Variants in SPPL3 observed in about 807,000 individuals in gnomAD.
The protein encoded by SPPL3 is signal peptide peptidase like 3.
A neutral mutation model predicts 42.4 loss-of-function variants in SPPL3; 5 were observed. The observed-to-expected ratio is 0.12, with a 90% CI of 0.06 to 0.25. The LOEUF (loss-of-function observed/expected upper bound fraction) is 0.25. Among genes scored for constraint, SPPL3 ranks in the 10% least tolerant of loss-of-function variants. SPPL3 has a pLI of 1.00. For missense variants in SPPL3, 235 were observed against 489.0 expected (o/e 0.48, Z 4.90); for synonymous variants, 195 against 181.8 (o/e 1.07, Z -0.58).
chr12:120,825,622 G>C (rs1293048627), intron 1 of SPPL3, among the ~76,000 whole-genome samples: 1 of 152,210 alleles, frequency 6.6e-6, no homozygotes, highest in African/African-American at 2.4e-5. Context: ...TGTTTACAGA[G>C]GGGTTAAATT....
chr12:120,866,630 A>G (rs2137046354), intron 1 of SPPL3, among the ~76,000 whole-genome samples: 1 of 152,326 alleles, frequency 6.6e-6, no homozygotes, highest in Admixed American at 6.5e-5. Flanking sequence ...CTAAGACACA[A>G]TGGATTGTAA....
chr12:120,775,857 CTAAAT>C (rs1566038473), intron 6 of SPPL3, among the ~76,000 whole-genome samples: 1 of 151,988 alleles, frequency 6.6e-6, no homozygotes, highest in Non-Finnish European at 1.5e-5. Context: ...TGTTTTCACT[CTAAAT>C]TAACTTCAAA....
chr12:120,876,842 C>A (rs1593007362), intron 1 of SPPL3, among the ~76,000 whole-genome samples: 1 of 132,478 alleles, frequency 7.5e-6, no homozygotes, highest in African/African-American at 2.8e-5. Context: ...CACACACACA[C>A]AAATTAAATG....
chr12:120,885,986 C>T (rs1873445791), intron 1 of SPPL3, among the ~76,000 whole-genome samples: 2 of 151,258 alleles, frequency 1.3e-5, no homozygotes, highest in East Asian at 3.9e-4. Flanking sequence ...TCCTGAGTAG[C>T]TGGGATTACA....
At chr12:120,842,284 G>A (rs531554282) in intron 1 of SPPL3, among the ~76,000 whole-genome samples, 2 of 152,150 alleles carry the variant, frequency 1.3e-5, no homozygotes, top group South Asian at 2.1e-4. Flanking sequence ...TAATGGCAAC[G>A]AGCACCACAA....
rs200219170 is a variant in SPPL3, at chr12:120,821,196, C to CG, written c.24-10311dup. Among the ~76,000 whole-genome samples the CG allele has an allele frequency of 2.8e-3, 421 of 152,200 alleles. 8 individuals carry two copies. The highest frequency in any genetic ancestry group is 0.023 in the Admixed American group (354 of 15,292). On this transcript the variant is annotated intron_variant, in intron 1 of 10. Transcript: ENST00000353487. ...GGATAGATAAGAAAGGATTTATTGC[C>CG]GGGGGCGGGGAGAGGGATTGAAACA...
chr12:120,822,267 T>C lies in SPPL3; in HGVS notation c.24-11381A>G, dbSNP rs185022815. Among the ~76,000 whole-genome samples the C allele has an allele frequency of 1.7e-3, 256 of 152,364 alleles. 3 individuals carry two copies. In the Middle Eastern group the frequency reaches 0.017, roughly 10 times the overall value. Reference sequence around the variant, plus strand: ...ATGGTAAATTTCAAATTGTATGTTATGTATATTTTACAATAACAACTTTTA... The same window carrying C: ...ATGGTAAATTTCAAATTGTATGTTACGTATATTTTACAATAACAACTTTTA... On this transcript the variant is annotated intron_variant, in intron 1 of 10. Coordinates refer to ENST00000353487, the MANE Select transcript of SPPL3 (RefSeq NM_139015.5).
intron 6 of SPPL3, among the ~76,000 whole-genome samples, chr12:120,780,525 G>T (rs139300084): frequency 1.3e-5 from 2 of 150,910 alleles, no homozygotes; most frequent in African/African-American, 4.9e-5. Flanking sequence ...GAGGCGGGAG[G>T]ATCGCCTGGG....
rs1329323448 is a variant in SPPL3, at chr12:120,765,031, T to TG, written c.1122dup (p.Lys375GlnfsTer58). The TG allele has an allele frequency of 6.2e-7, 1 of 1,613,940 alleles. No individual in the cohort carries two copies. Among genetic ancestry groups the TG allele is most frequent in the South Asian group, 1.1e-5 (1 of 91,034 alleles). On this transcript the variant is annotated frameshift_variant, in exon 11 of 11. Coordinates refer to ENST00000353487, the MANE Select transcript of SPPL3 (RefSeq NM_139015.5). LOFTEE classifies it high-confidence loss of function. ...TCCAGGAATCGGGAGCTGCTGGACT[T>TG]GGAGTGGAAAGGCTCAGACCACATC...
intron 2 of SPPL3, 96 bp downstream of exon 2, chr12:120,810,713 T>C: frequency 6.5e-6 from 6 of 929,652 alleles, no homozygotes; most frequent in Non-Finnish European, 1.0e-5. Context: ...AAGTCCTGTT[T>C]TTCTTCACAG....
chr12:120,833,080 G>A (rs772706057), intron 1 of SPPL3, among the ~76,000 whole-genome samples: 1 of 152,200 alleles, frequency 6.6e-6, no homozygotes, highest in Non-Finnish European at 1.5e-5. Context: ...AGAGGAAGAA[G>A]AGATTGCTTC....
chr12:120,779,701 C>T lies in SPPL3; in HGVS notation c.502+2954G>A, dbSNP rs189804487. On this transcript the variant is annotated intron_variant, in intron 6 of 10. Transcript: ENST00000353487. The stretch of plus-strand genomic sequence containing the variant: ...ATATAAAGGAAGTGAAGGCCAGCTG[C>T]GGTGGGCTCACGCCTGTAATCCCAG... Among the ~76,000 whole-genome samples, 151 of 151,734 alleles carry T rather than the reference C, an allele frequency of 1.0e-3. 1 individual carries two copies. In the Middle Eastern group the frequency reaches 0.01, roughly 10 times the overall value.
intron 3 of SPPL3, among the ~76,000 whole-genome samples, chr12:120,787,271 C>T (rs1177532576): frequency 1.3e-5 from 2 of 152,168 alleles, no homozygotes; most frequent in East Asian, 1.9e-4. Flanking sequence ...AACTATACAT[C>T]TCCATCAATC....
At chr12:120,862,309 T>A (rs1337664372) in intron 1 of SPPL3, among the ~76,000 whole-genome samples, 1 of 152,224 alleles carries the variant, frequency 6.6e-6, no homozygotes, top group East Asian at 1.9e-4. Context: ...AATTTTCCAA[T>A]AATAATTAGA....
chr12:120,769,948 TG>T (rs1185637080), intron 6 of SPPL3: 1 of 149,286 alleles, frequency 6.7e-6, no homozygotes, highest in Non-Finnish European at 1.5e-5. Context: ...TCCATTTGGG[TG>T]AATTTTCACC....
intron 1 of SPPL3, among the ~76,000 whole-genome samples, chr12:120,830,010 GAA>G (rs1871347951): frequency 7.0e-6 from 1 of 142,474 alleles, no homozygotes; most frequent in African/African-American, 2.6e-5. Flanking sequence ...AAAAAAAAAA[GAA>G]GAGTAAATTT....
intron 2 of SPPL3, among the ~76,000 whole-genome samples, chr12:120,795,624 GC>G (rs1248691113): frequency 3.3e-5 from 5 of 149,912 alleles, no homozygotes; most frequent in Non-Finnish European, 5.9e-5. Context: ...ATGCTTTTTT[GC>G]CCCCTCTGGC....
intron 1 of SPPL3, among the ~76,000 whole-genome samples, chr12:120,830,702 T>C (rs907004421): frequency 6.6e-6 from 1 of 151,450 alleles, no homozygotes; most frequent in Non-Finnish European, 1.5e-5. Context: ...CCATTACTTA[T>C]CTCATAGTTT....
At chr12:120,801,275 C>T (rs536223103) in intron 2 of SPPL3, among the ~76,000 whole-genome samples, 10 of 152,320 alleles carry the variant, frequency 6.6e-5, no homozygotes, top group African/African-American at 2.2e-4. Flanking sequence ...GACAGGACCA[C>T]CTGTGCTAGC....
Sources: gnomAD v4.1 joint callset for allele counts (sites outside exome capture counted in the v4.1 genomes callset) on GRCh38, gnomAD v4.1.1 for gene constraint, MANE v1.5 for transcripts, NCBI Gene and HGNC (gene_info 2026-07-23, HGNC 2026-07-21) for gene names.